DNAH10: variants seen among roughly 807,000 people sequenced by gnomAD.
DNAH10 encodes the protein axonemal beta dynein heavy chain 10.
Under a neutral mutation model 506.6 loss-of-function variants are expected in DNAH10, and 348 were observed. The observed-to-expected ratio is 0.69, with a 90% CI of 0.63 to 0.75. The LOEUF (loss-of-function observed/expected upper bound fraction) is 0.75, where lower values mean the gene tolerates loss of function less well. Ranked by LOEUF, DNAH10 falls within the 30% of genes least tolerant of loss-of-function variation. DNAH10 has a pLI of 0.00. For missense variants in DNAH10, 5,179 were observed against 5,787.1 expected (o/e 0.89, Z 3.41); for synonymous variants, 2,059 against 2,198.6 (o/e 0.94, Z 1.78).
intron 16 of DNAH10, among the ~76,000 whole-genome samples, chr12:123,803,191 T>A (rs1039842879): frequency 6.6e-6 from 1 of 152,216 alleles, no homozygotes; most frequent in Non-Finnish European, 1.5e-5. Flanking sequence ...TGTTATAGTA[T>A]GATGTTTCCC....
chr12:123,816,811 G>A (rs754038207), intron 21 of DNAH10, among the ~76,000 whole-genome samples: 2 of 152,158 alleles, frequency 1.3e-5, no homozygotes, highest in African/African-American at 2.4e-5. Flanking sequence ...AGGCCTAGAC[G>A]TGAAGTTGCT....
In DNAH10 at chr12:123,898,807, C is replaced by T. The variant is rs959304517; in HGVS notation, c.9633C>T (p.Thr3211=). 25 of 1,608,888 alleles carry T rather than the reference C, an allele frequency of 1.6e-5. No homozygotes were observed. Among genetic ancestry groups the T allele is most frequent in the East Asian group, 6.7e-5 (3 of 44,828 alleles). The change falls in exon 56 of 79, where the codon ACC becomes ACT. Residue 3211 remains threonine (T), a synonymous_variant. Transcript: ENST00000673944. ...EALLEEIAVN[T]AVAEEKKKLA... Reference sequence around the variant, plus strand: ...TGCTGGAGGAGATCGCCGTCAACACCGCTGTAGGTGAGTGAGGGCGGGGCC... The same window carrying T: ...TGCTGGAGGAGATCGCCGTCAACACTGCTGTAGGTGAGTGAGGGCGGGGCC...
intron 5 of DNAH10, among the ~76,000 whole-genome samples, chr12:123,776,773 G>A (rs1255069580): frequency 1.3e-5 from 2 of 152,122 alleles, no homozygotes; most frequent in Non-Finnish European, 2.9e-5. Flanking sequence ...GGGAACTCAG[G>A]GCATCCGTCT....
chr12:123,827,357 T>G (rs1285835119), intron 25 of DNAH10, among the ~76,000 whole-genome samples: 2 of 152,246 alleles, frequency 1.3e-5, no homozygotes, highest in Non-Finnish European at 2.9e-5. Flanking sequence ...AAACATTTAT[T>G]CATGAGATAT....
chr12:123,786,860 G>A (rs1327627544), intron 9 of DNAH10, among the ~76,000 whole-genome samples: 1 of 152,032 alleles, frequency 6.6e-6, no homozygotes, highest in South Asian at 2.1e-4. Context: ...AGATGAGGCC[G>A]GGTGCGGTGG....
Position 123,928,316 on chromosome 12 carries a change from G to A in DNAH10, c.12106-71G>A. 2 of 1,504,820 alleles carry A rather than the reference G, an allele frequency of 1.3e-6. No homozygotes were observed. The highest frequency in any genetic ancestry group is 1.8e-6 in the Non-Finnish European group (2 of 1,118,122). 93.2% of individuals were successfully genotyped at this position (1,504,820 alleles called of 1,614,324 possible). A position where few individuals can be genotyped will look rare whatever the true frequency, so the allele number is the denominator to read the frequency against. ...GCCATCGCCCTTCTGTGGGTGTGGA[G>A]TGGGTCTCTGGAGAGCACGGGGTTG... is the stretch of plus-strand genomic sequence containing the variant. On this transcript the variant is annotated intron_variant, in intron 69 of 78. Coordinates refer to ENST00000673944, the MANE Select transcript of DNAH10 (RefSeq NM_001372106.1). This position sits in a 1 kb window ranked among gnomAD's most constrained non-coding sequence, Gnocchi z 4.9.
chr12:123,851,102 C>A (rs776760738), intron 35 of DNAH10, 26 bp downstream of exon 35: 3 of 1,573,670 alleles, frequency 1.9e-6, no homozygotes, highest in African/African-American at 1.3e-5. Context: ...AGCGCCAGGT[C>A]GTGCAGTGCA....
chr12:123,855,358 T>A (rs1951342888), intron 36 of DNAH10, among the ~76,000 whole-genome samples: 1 of 152,174 alleles, frequency 6.6e-6, no homozygotes, highest in Admixed American at 6.5e-5. Flanking sequence ...CAGTGGCTCA[T>A]GCCTGTAATC....
chr12:123,877,954 GT>G, intron 48 of DNAH10, 46 bp downstream of exon 48: 1 of 1,584,118 alleles, frequency 6.3e-7, no homozygotes, highest in Non-Finnish European at 8.6e-7. Context: ...AGGTATGATA[GT>G]TTTCTTATTC....
chr12:123,894,050 C>G (rs1361464454), intron 53 of DNAH10, among the ~76,000 whole-genome samples: 1 of 130,288 alleles, frequency 7.7e-6, no homozygotes. Context: ...CATCCATGTT[C>G]TTGAGTGTCT....
chr12:123,826,899 GTTTGT>G lies in DNAH10; in HGVS notation c.4391+7_4391+11del. 6.2e-7 allele frequency: 1 copy of G among 1,610,588 alleles called. No homozygotes were observed. The highest frequency in any genetic ancestry group is 1.1e-5 in the South Asian group (1 of 90,812). ...TGAAAAACGAGGCACTAAGAGACAG[GTTTGT>G]TTTGTCCTCTGTCCGCAGATGTAAA... On this transcript the variant is annotated splice_donor_variant and splice_donor_5th_base_variant and intron_variant, in intron 25 of 78. Coordinates refer to ENST00000673944, the MANE Select transcript of DNAH10 (RefSeq NM_001372106.1). LOFTEE classifies it high-confidence loss of function.
At chr12:123,893,531 G>T in intron 53 of DNAH10, 95 bp downstream of exon 53, 1 of 1,429,026 alleles carries the variant, frequency 7.0e-7, no homozygotes, top group Non-Finnish European at 9.7e-7. Context: ...CCCCAGCAAA[G>T]CAAAACAAGA....
chr12:123,895,586 A>G (rs1287942278), intron 54 of DNAH10, among the ~76,000 whole-genome samples: 1 of 152,172 alleles, frequency 6.6e-6, no homozygotes, highest in African/African-American at 2.4e-5. Flanking sequence ...CAATACGTAA[A>G]TGAATCGCTA....
intron 28 of DNAH10, among the ~76,000 whole-genome samples, chr12:123,837,087 A>G (rs190298705): frequency 0.024 from 3,557 of 149,298 alleles, 63 homozygotes; most frequent in Non-Finnish European, 0.038. Context: ...TCCTGACCTC[A>G]TGATCTGCCC....
At chr12:123,879,170 G>A (rs532373323) in intron 48 of DNAH10, 94 bp from the exon 49 acceptor site, 61 of 922,444 alleles carry the variant, frequency 6.6e-5, no homozygotes, top group East Asian at 8.9e-5. Flanking sequence ...CCTTTATTGC[G>A]CTCTGTGTGT....
Position 123,928,869 on chromosome 12 carries a change from C to T in DNAH10, c.12306+282C>T. ...ATAAACTTCACGGCCCCCCCCCCCA[C>T]ACACAGCCTGCAGTTCGCTAGTGCT... On this transcript the variant is annotated intron_variant, in intron 70 of 78. Transcript: ENST00000673944. The surrounding 1 kb of genome is among the most constrained non-coding windows in gnomAD (Gnocchi z 4.9). 1 of 239,068 alleles carries T rather than the reference C, an allele frequency of 4.2e-6. No individual in the cohort carries two copies. The highest frequency in any genetic ancestry group is 4.5e-5 in the East Asian group (1 of 22,452). The allele number at this position is 239,068 out of a possible 1,614,324, so 14.8% of individuals were successfully genotyped here.
At chr12:123,865,842 T>C (rs1265086655) in intron 40 of DNAH10, 109 bp from the exon 41 acceptor site, 13 of 1,122,400 alleles carry the variant, frequency 1.2e-5, no homozygotes, top group Non-Finnish European at 1.6e-5. Flanking sequence ...ATTTTGGTAT[T>C]ATTTGGATTT....
intron 38 of DNAH10, among the ~76,000 whole-genome samples, chr12:123,860,030 TAAAA>T (rs547855423): frequency 7.6e-6 from 1 of 131,204 alleles, no homozygotes. Flanking sequence ...ACCTTCTCTC[TAAAA>T]AAAAAAAAAA....
intron 18 of DNAH10, among the ~76,000 whole-genome samples, chr12:123,807,894 TGAAGAGAGAGG>T (rs1958753505): frequency 2.6e-4 from 2 of 7,642 alleles, no homozygotes; most frequent in East Asian, 4.2e-3. Context: ...GAGAGAGAGG[TGAAGAGAGAGG>T]GGAGAGAGAG....
Sources: gnomAD v4.1 joint callset for allele counts (sites outside exome capture counted in the v4.1 genomes callset) on GRCh38, gnomAD v4.1.1 for gene constraint, Gnocchi (gnomAD v3.1) non-coding constraint, MANE v1.5 for transcripts, NCBI Gene and HGNC (gene_info 2026-07-23, HGNC 2026-07-21) for gene names.